Variants in SYNE1 observed in about 807,000 individuals in gnomAD.
SYNE1 encodes the protein spectrin repeat containing nuclear envelope protein 1, also known as nesprin-1.
SYNE1 carries 616 observed loss-of-function variants against 1,111.0 expected under a neutral mutation model. The observed-to-expected ratio is 0.55, with a 90% CI of 0.52 to 0.59. The LOEUF (loss-of-function observed/expected upper bound fraction) is 0.59. Ranked by LOEUF, SYNE1 falls within the 20% of genes least tolerant of loss-of-function variation. The probability of loss-of-function intolerance (pLI) is 0.00; values close to 1 mark genes in which losing one functional copy is unlikely to be tolerated. For missense variants in SYNE1, 10,006 were observed against 10,417.0 expected (o/e 0.96, Z 1.72); for synonymous variants, 3,855 against 3,825.8 (o/e 1.01, Z -0.28).
At chr6:152,351,228 A>C (rs2096735428) in intron 70 of SYNE1, among the ~76,000 whole-genome samples, 1 of 152,178 alleles carries the variant, frequency 6.6e-6, no homozygotes, top group Admixed American at 6.5e-5. Flanking sequence ...TCTATCAAGA[A>C]CTCAGTGGCC....
At chr6:152,498,849 A>T (rs2099013480) in intron 10 of SYNE1, 57 bp from the exon 11 acceptor site, 1 of 1,050,820 alleles carries the variant, frequency 9.5e-7, no homozygotes, top group Non-Finnish European at 1.3e-6. Context: ...GTCAAAAATT[A>T]TTTAGAAAAC....
At chr6:152,619,437 T>C (rs2099670418) in intron 3 of SYNE1, among the ~76,000 whole-genome samples, 1 of 151,712 alleles carries the variant, frequency 6.6e-6, no homozygotes, top group Admixed American at 6.6e-5. Flanking sequence ...TCCATCCAGG[T>C]TTTCATGGAG....
At position 152,367,821 on chromosome 6, in the gene SYNE1, C is replaced by A. The variant is rs74702619; in HGVS notation, c.9808-439G>T. 608 of 217,744 alleles carry A rather than the reference C, an allele frequency of 2.8e-3. 9 individuals carry two copies. The South Asian group carries it at 0.034, about 12-fold the overall frequency. 13.5% of individuals were successfully genotyped at this position (217,744 alleles called of 1,614,324 possible). A position where few individuals can be genotyped will look rare whatever the true frequency, so the allele number is the denominator to read the frequency against. On this transcript the variant is annotated intron_variant, in intron 61 of 145. Transcript: ENST00000367255. ...ATCTCTAAATTTTAAAACATGGGAC[C>A]ATACACATGGTTTTGTTTATCAATT...
chr6:152,384,786 G>A (rs1037106588), intron 55 of SYNE1, among the ~76,000 whole-genome samples: 1 of 151,852 alleles, frequency 6.6e-6, no homozygotes, highest in African/African-American at 2.4e-5. Flanking sequence ...GGCTGAGGCA[G>A]GGAGAATCAC....
chr6:152,294,112 G>C lies in SYNE1; in HGVS notation c.17698C>G (p.Gln5900Glu), dbSNP rs768976585. Reference sequence around the variant, plus strand: ...TGCAACCTCTCAGCAGACAAGGCTTGGTAATATGCAATGTCCTGTGAGTGC... The same window carrying C: ...TGCAACCTCTCAGCAGACAAGGCTTCGTAATATGCAATGTCCTGTGAGTGC... ...ASVNQDIAYY[Q>E]ALSAERLQTD... The change falls in exon 94 of 146, where the codon CAA becomes GAA. Residue 5900 changes from glutamine (Q) to glutamate (E), a missense_variant. By Grantham distance (29) the Gln-to-Glu change is conservative. Coordinates refer to ENST00000367255, the MANE Select transcript of SYNE1 (RefSeq NM_182961.4). The C allele has an allele frequency of 1.2e-6, 2 of 1,613,408 alleles. No homozygotes were observed. Among genetic ancestry groups the C allele is most frequent in the African/African-American group, 2.7e-5 (2 of 74,854 alleles).
intron 127 of SYNE1, among the ~76,000 whole-genome samples, chr6:152,190,392 T>C (rs897151051): frequency 2.0e-5 from 3 of 152,220 alleles, no homozygotes; most frequent in Non-Finnish European, 2.9e-5. Flanking sequence ...CAAACACATG[T>C]TAATGTTGAC....
At chr6:152,302,935 CTA>C (rs2095248968) in intron 91 of SYNE1, among the ~76,000 whole-genome samples, 1 of 151,884 alleles carries the variant, frequency 6.6e-6, no homozygotes, top group African/African-American at 2.4e-5. Flanking sequence ...AAAAAGGTAA[CTA>C]TAGATTCATT....
chr6:152,463,592 A>C (rs1355500301), intron 18 of SYNE1, 75 bp from the exon 19 acceptor site: 18 of 1,233,756 alleles, frequency 1.5e-5, no homozygotes, highest in Non-Finnish European at 2.1e-5. Flanking sequence ...TGACTAAAGT[A>C]GGAAAAATAT....
At chr6:152,509,722 T>A (rs1443508907) in intron 8 of SYNE1, among the ~76,000 whole-genome samples, 2 of 151,582 alleles carry the variant, frequency 1.3e-5, no homozygotes, top group Admixed American at 6.6e-5. Flanking sequence ...AGGGAAAAAA[T>A]TTAAAAACTA....
chr6:152,256,634 C>T lies in SYNE1; in HGVS notation c.19104G>A (p.Gln6368=). 6.2e-7 allele frequency: 1 copy of T among 1,613,360 alleles called. No individual in the cohort carries two copies. The highest frequency in any genetic ancestry group is 8.5e-7 in the Non-Finnish European group (1 of 1,179,584). The stretch of plus-strand genomic sequence containing the variant: ...AAACACACTGATAACACAGCCTTAC[C>T]TGGGATGAAACCTCCTCGAAGGCTT... ...LNQAFEEVSS[Q]SGGAKRQSIH... is the part of the protein sequence containing the mutation. The change falls in exon 102 of 146, where the codon CAG becomes CAA. Residue 6368 remains glutamine, a splice_region_variant and synonymous_variant. Transcript: ENST00000367255.
intron 56 of SYNE1, among the ~76,000 whole-genome samples, chr6:152,377,610 A>AG (rs2097306729): frequency 3.0e-5 from 1 of 33,498 alleles, no homozygotes; most frequent in African/African-American, 1.1e-4. Flanking sequence ...CTCCGTCTTA[A>AG]AAAAAAAAAA....
chr6:152,391,390 C>T lies in SYNE1; in HGVS notation c.7891G>A (p.Glu2631Lys), dbSNP rs761773492. ...CAGAACCACATGCTTTGCAGTGCTTCCTCCAGGGCTTCGTGCTCCTGAAGG... is the reference window on the plus strand; with the variant it reads ...CAGAACCACATGCTTTGCAGTGCTTTCTCCAGGGCTTCGTGCTCCTGAAGG... Reference protein sequence around the residue: ...VALQEHEALEEALQSMWFWVK... With the variant: ...VALQEHEALEKALQSMWFWVK... The change falls in exon 52 of 146, where the codon GAA becomes AAA. Residue 2631 changes from glutamate to lysine, a missense_variant. Glu to Lys is a moderately conservative substitution (Grantham distance 56). This residue lies in a region of SYNE1 where 4,955 missense variants were observed against 5,017.2 expected (regional missense o/e 0.99). Coordinates refer to ENST00000367255, the MANE Select transcript of SYNE1 (RefSeq NM_182961.4). The T allele has an allele frequency of 1.2e-6, 2 of 1,614,028 alleles. No homozygotes were observed. Among genetic ancestry groups the T allele is most frequent in the Non-Finnish European group, 1.7e-6 (2 of 1,179,994 alleles).
intron 110 of SYNE1, among the ~76,000 whole-genome samples, 190 bp downstream of exon 110, chr6:152,235,917 T>G (rs1645791371): frequency 6.6e-6 from 1 of 151,994 alleles, no homozygotes; most frequent in African/African-American, 2.4e-5. Flanking sequence ...CTTTTGTAAT[T>G]TTTTTGTAGA....
intron 10 of SYNE1, among the ~76,000 whole-genome samples, chr6:152,501,745 A>C (rs1169484874): frequency 6.6e-6 from 1 of 152,188 alleles, no homozygotes; most frequent in Non-Finnish European, 1.5e-5. Context: ...ACAAAAAAAA[A>C]AAAAAGGAAA....
intron 36 of SYNE1, among the ~76,000 whole-genome samples, chr6:152,429,581 T>C (rs1035361651): frequency 3.3e-5 from 5 of 152,202 alleles, no homozygotes; most frequent in African/African-American, 1.2e-4. Context: ...TATTAATTAA[T>C]GTACGGTAGT....
At chr6:152,510,815 G>T (rs566021940) in intron 7 of SYNE1, among the ~76,000 whole-genome samples, 196 bp downstream of exon 7, 1 of 152,144 alleles carries the variant, frequency 6.6e-6, no homozygotes, top group African/African-American at 2.4e-5. Context: ...GGGGTGTGAG[G>T]TTCCACATGC....
intron 3 of SYNE1, among the ~76,000 whole-genome samples, chr6:152,566,989 G>C (rs1325435673): frequency 1.2e-4 from 2 of 16,406 alleles, no homozygotes; most frequent in African/African-American, 2.7e-4. Flanking sequence ...CACATACTGT[G>C]TGTGTGTGTG....
At chr6:152,226,651 G>A (rs1431919770) in intron 115 of SYNE1, among the ~76,000 whole-genome samples, 1 of 152,170 alleles carries the variant, frequency 6.6e-6, no homozygotes, top group Non-Finnish European at 1.5e-5. Flanking sequence ...AATTTGAGAA[G>A]CTCAGTGAAG....
chr6:152,122,474 G>T lies in SYNE1; in HGVS notation c.26356C>A (p.Pro8786Thr). 6.2e-7 allele frequency: 1 copy of T among 1,614,176 alleles called. No homozygotes were observed. Among genetic ancestry groups the T allele is most frequent in the Non-Finnish European group, 8.5e-7 (1 of 1,180,034 alleles). ...LSNNFARSFH[P>T]MLRYTNGPPP... is the part of the protein sequence containing the mutation. ...GGGCCATTCGTGTATCTGAGCATGG[G>T]GTGGAATGACCGGGCAAAGTTGTTG... The change falls in exon 146 of 146, where the codon CCC becomes ACC. Residue 8786 changes from proline to threonine, a missense_variant. By Grantham distance (38) the Pro-to-Thr change is conservative. Transcript: ENST00000367255.
Sources: allele counts gnomAD v4.1 joint callset (sites outside exome capture counted in the v4.1 genomes callset), GRCh38; gene constraint gnomAD v4.1.1; regional missense constraint gnomAD v4.1.1; transcripts MANE v1.5; gene names NCBI Gene and HGNC (gene_info 2026-07-23, HGNC 2026-07-21).